Variants in SPOCK1 observed in about 807,000 individuals in gnomAD.
SPOCK1 encodes testican-1.
In SPOCK1, 23 loss-of-function variants were observed where a neutral mutation model predicts 55.3. The observed-to-expected ratio is 0.42, with a 90% CI of 0.30 to 0.59. The LOEUF (loss-of-function observed/expected upper bound fraction) is 0.59. Ranked by LOEUF, SPOCK1 falls within the 20% of genes least tolerant of loss-of-function variation. The probability of loss-of-function intolerance (pLI) is 0.22; values close to 1 mark genes in which losing one functional copy is unlikely to be tolerated. For synonymous variants in SPOCK1, 226 were observed against 221.0 expected (o/e 1.02, Z -0.20); for missense variants, 499 against 552.5 (o/e 0.90, Z 0.97).
At chr5:137,385,528 T>C (rs1405418479) in intron 2 of SPOCK1, among the ~76,000 whole-genome samples, 1 of 152,222 alleles carries the variant, frequency 6.6e-6, no homozygotes, top group African/African-American at 2.4e-5. Context: ...TGATTCATTA[T>C]TGTGCTTGGG....
intron 2 of SPOCK1, among the ~76,000 whole-genome samples, chr5:137,485,123 T>A (rs1408453338): frequency 6.6e-6 from 1 of 152,220 alleles, no homozygotes; most frequent in Non-Finnish European, 1.5e-5. Flanking sequence ...TAACTTCTTT[T>A]TTAAAAATTA....
intron 2 of SPOCK1, among the ~76,000 whole-genome samples, chr5:137,383,812 C>A (rs1751533322): frequency 6.6e-6 from 1 of 152,352 alleles, no homozygotes; most frequent in East Asian, 1.9e-4. Flanking sequence ...GCATTGGAGT[C>A]TATTCCACCT....
At chr5:137,150,045 G>C (rs551237868) in intron 3 of SPOCK1, among the ~76,000 whole-genome samples, 51 of 152,032 alleles carry the variant, frequency 3.4e-4, no homozygotes, top group Non-Finnish European at 6.0e-4. Flanking sequence ...GCTCTTTTTA[G>C]CTTGCTCCTA....
At chr5:137,234,924 A>G (rs1055603967) in intron 3 of SPOCK1, among the ~76,000 whole-genome samples, 1 of 152,238 alleles carries the variant, frequency 6.6e-6, no homozygotes, top group African/African-American at 2.4e-5. Flanking sequence ...AACATCTTAC[A>G]ACACTGACAT....
chr5:137,322,656 A>C lies in SPOCK1; in HGVS notation c.187-55601T>G, dbSNP rs144687540. ...AATAAGCCCCATGTAACCACAAAAA[A>C]CCTACATAAGATACATAAATGAAAA... On this transcript the variant is annotated intron_variant, in intron 2 of 10. Coordinates refer to ENST00000394945, the MANE Select transcript of SPOCK1 (RefSeq NM_004598.4). Among the ~76,000 whole-genome samples the C allele has an allele frequency of 1.1e-3, 172 of 152,086 alleles. 3 individuals are homozygous for C. Among genetic ancestry groups the C allele is most frequent in the African/African-American group, 3.9e-3 (161 of 41,480 alleles).
At chr5:137,260,879 C>T (rs1756732252) in intron 3 of SPOCK1, among the ~76,000 whole-genome samples, 1 of 152,180 alleles carries the variant, frequency 6.6e-6, no homozygotes, top group Non-Finnish European at 1.5e-5. Context: ...GCTAATTAGG[C>T]TGGAGCCGAG....
chr5:137,159,181 T>C (rs1426305680), intron 3 of SPOCK1, among the ~76,000 whole-genome samples: 1 of 152,074 alleles, frequency 6.6e-6, no homozygotes. Flanking sequence ...TCCTAGAGAA[T>C]GGGTAATTTG....
At position 136,976,536 on chromosome 5, in the gene SPOCK1, G is replaced by A. The variant is rs1016645497; in HGVS notation, c.*2118C>T. 1 of 152,558 alleles carries A rather than the reference G, an allele frequency of 6.6e-6. No individual in the cohort carries two copies. The highest frequency in any genetic ancestry group is 2.4e-5 in the African/African-American group (1 of 41,420). The allele number at this position is 152,558 out of a possible 1,614,324, so 9.5% of individuals were successfully genotyped here. A position where few individuals can be genotyped will look rare whatever the true frequency, so the allele number is the denominator to read the frequency against. ...TCTTGTACATTTTCCTAAGCTCAAA[G>A]GAGATAGTAACAATGGTTTTCTTTG... On this transcript the variant is annotated 3_prime_UTR_variant, in exon 11 of 11. Transcript: ENST00000394945.
rs144979535 is a variant in SPOCK1, at chr5:137,112,552, C to T, written c.357G>A (p.Lys119=). The T allele has an allele frequency of 1.9e-4, 313 of 1,613,358 alleles. 3 individuals are homozygous for T. Among genetic ancestry groups the T allele is most frequent in the South Asian group, 1.7e-3 (157 of 90,972 alleles). The stretch of plus-strand genomic sequence containing the variant: ...CCCAGTGTTTCTGGGCCACGTTCCC[C>T]TTCTTTTGCCTAAAGATGAGAAAAA... ...SRKHLLPRQK[K]GNVAQKHWVG... is the part of the protein sequence containing the mutation. The change falls in exon 5 of 11, where the codon AAG becomes AAA. Residue 119 remains lysine, a synonymous_variant. Transcript: ENST00000394945.
intron 6 of SPOCK1, among the ~76,000 whole-genome samples, chr5:137,020,002 A>G (rs1213240258): frequency 6.6e-6 from 1 of 151,986 alleles, no homozygotes; most frequent in Non-Finnish European, 1.5e-5. Context: ...TCTGACAAGT[A>G]AAGTATGCAT....
intron 2 of SPOCK1, among the ~76,000 whole-genome samples, chr5:137,414,595 C>T (rs1265210291): frequency 1.3e-5 from 2 of 152,094 alleles, no homozygotes; most frequent in African/African-American, 2.4e-5. Context: ...GGGGGCGAAA[C>T]ATTGAAAATA....
chr5:137,358,555 GGGAAGGGGAAGA>G (rs956285050), intron 2 of SPOCK1, among the ~76,000 whole-genome samples: 2 of 150,812 alleles, frequency 1.3e-5, no homozygotes, highest in Non-Finnish European at 3.0e-5. Context: ...GAAGGTGGAG[GGGAAGGGGAAGA>G]GGAAGGGGAA....
At chr5:137,392,498 C>A (rs1751747110) in intron 2 of SPOCK1, among the ~76,000 whole-genome samples, 1 of 152,174 alleles carries the variant, frequency 6.6e-6, no homozygotes, top group South Asian at 2.1e-4. Flanking sequence ...GTGCTGCTCC[C>A]AGGGGTGATC....
chr5:137,448,257 T>A (rs558099550), intron 2 of SPOCK1, among the ~76,000 whole-genome samples: 14 of 152,140 alleles, frequency 9.2e-5, no homozygotes, highest in South Asian at 2.1e-4. Flanking sequence ...TCAAAAAAAA[T>A]TTTTTTAATT....
chr5:137,170,205 A>G (rs1201519341), intron 3 of SPOCK1, among the ~76,000 whole-genome samples: 5 of 152,168 alleles, frequency 3.3e-5, no homozygotes, highest in African/African-American at 9.7e-5. Context: ...CCATGTAAAT[A>G]GTTGTTATAT....
At chr5:136,990,554 CTT>C (rs1346340300) in intron 7 of SPOCK1, among the ~76,000 whole-genome samples, 3 of 146,108 alleles carry the variant, frequency 2.1e-5, no homozygotes, top group South Asian at 2.2e-4. Context: ...CCACCCCCCT[CTT>C]TTTTTTTTTC....
intron 3 of SPOCK1, among the ~76,000 whole-genome samples, chr5:137,155,695 C>G (rs1754403308): frequency 2.0e-5 from 3 of 152,206 alleles, no homozygotes; most frequent in Admixed American, 1.3e-4. Context: ...GAAGATGTGT[C>G]TCTGTGTAAT....
intron 2 of SPOCK1, among the ~76,000 whole-genome samples, chr5:137,281,517 G>A (rs1186207154): frequency 6.6e-6 from 1 of 152,192 alleles, no homozygotes; most frequent in Non-Finnish European, 1.5e-5. Context: ...ACCCTATTAA[G>A]AAATGAAAGA....
intron 3 of SPOCK1, among the ~76,000 whole-genome samples, chr5:137,258,100 T>C (rs1756672109): frequency 6.6e-6 from 1 of 152,248 alleles, no homozygotes; most frequent in Non-Finnish European, 1.5e-5. Context: ...CTTTCTTGCC[T>C]TTTTCATGTG....
Sources: allele counts gnomAD v4.1 joint callset (sites outside exome capture counted in the v4.1 genomes callset), GRCh38; gene constraint gnomAD v4.1.1; transcripts MANE v1.5; gene names NCBI Gene and HGNC (gene_info 2026-07-23, HGNC 2026-07-21).